Variants in RAD51B observed in about 807,000 individuals in gnomAD.
RAD51B encodes the protein DNA repair protein RAD51 homolog 2.
In RAD51B, 38 loss-of-function variants were observed where a neutral mutation model predicts 42.2. The ratio of observed to expected loss-of-function variants is 0.90; its 90% confidence interval spans 0.70 to 1.18. The LOEUF (loss-of-function observed/expected upper bound fraction) is 1.18. RAD51B is among the 50% of genes most tolerant of loss of function. The pLI, the probability that RAD51B is intolerant of heterozygous loss-of-function variation, is 0.00. For synonymous variants in RAD51B, 154 were observed against 145.2 expected (o/e 1.06, Z -0.43); for missense variants, 373 against 400.7 (o/e 0.93, Z 0.59).
intron 7 of RAD51B, among the ~76,000 whole-genome samples, chr14:68,026,581 A>T: frequency 1.4e-5 from 2 of 147,546 alleles, no homozygotes; most frequent in South Asian, 2.2e-4. Flanking sequence ...GTTGATGTGT[A>T]CCCTTTATCA....
intron 7 of RAD51B, among the ~76,000 whole-genome samples, chr14:68,090,947 C>A (rs1302966448): frequency 6.9e-6 from 1 of 145,938 alleles, no homozygotes; most frequent in East Asian, 2.0e-4. Context: ...TGAGAACATG[C>A]GGTGTTTGGT....
At position 68,506,112 on chromosome 14, in the gene RAD51B, C is replaced by T. The variant is rs1885297917; in HGVS notation, c.1036+37862C>T. 2.0e-5 allele frequency among the ~76,000 whole-genome samples: 3 copies of T among 152,166 alleles called. No individual in the cohort carries two copies. The South Asian group carries it at 6.2e-4, about 31-fold the overall frequency. On this transcript the variant is annotated intron_variant, in intron 10 of 10. Transcript: ENST00000487270. ...AGGCTTTCAGGACACAGTGTGCCCC[C>T]AGGCAGCCTGGGCCTAGAACAGTTG...
chr14:68,065,632 G>T (rs1475668399), intron 7 of RAD51B, among the ~76,000 whole-genome samples: 1 of 152,056 alleles, frequency 6.6e-6, no homozygotes, highest in African/African-American at 2.4e-5. Context: ...GTTCTGCTTG[G>T]ATGCCAGTCC....
intron 8 of RAD51B, among the ~76,000 whole-genome samples, chr14:68,313,165 A>G (rs1452800479): frequency 6.6e-6 from 1 of 152,186 alleles, no homozygotes; most frequent in Non-Finnish European, 1.5e-5. Flanking sequence ...CTGGTGAATT[A>G]TAATATTCTC....
chr14:68,234,562 A>G (rs1190023301), intron 7 of RAD51B, among the ~76,000 whole-genome samples: 1 of 152,214 alleles, frequency 6.6e-6, no homozygotes, highest in Admixed American at 6.5e-5. Context: ...CCTGTAGAGC[A>G]TGTTATTGTA....
chr14:68,448,391 G>C (rs2140179020), intron 9 of RAD51B, among the ~76,000 whole-genome samples: 1 of 152,292 alleles, frequency 6.6e-6, no homozygotes, highest in East Asian at 1.9e-4. Context: ...AAGGAAGCGA[G>C]TGTTTTTTAA....
chr14:68,470,780 G>A (rs1437714453), intron 10 of RAD51B: 17 of 420,324 alleles, frequency 4.0e-5, no homozygotes, highest in Middle Eastern at 6.9e-4. Context: ...AGCATAAAAC[G>A]TTTTTCTTAC....
intron 11 of RAD51B, among the ~76,000 whole-genome samples, chr14:68,655,130 A>AGTGTGTGT (rs3077341): frequency 4.7e-5 from 7 of 150,366 alleles, no homozygotes; most frequent in South Asian, 2.1e-4. Flanking sequence ...GCAAATGGTG[A>AGTGTGTGT]GTGTGTGTGT....
intron 7 of RAD51B, among the ~76,000 whole-genome samples, chr14:68,020,689 G>A (rs1006527365): frequency 3.3e-5 from 5 of 152,134 alleles, no homozygotes; most frequent in East Asian, 1.9e-4. Flanking sequence ...TGTTGGTTGC[G>A]CAAGACTGTG....
In RAD51B at chr14:68,396,321, CA is replaced by C. The variant is rs145440335; in HGVS notation, c.854-15102del. 7.4e-3 allele frequency among the ~76,000 whole-genome samples: 1,135 copies of C among 152,356 alleles called. 14 individuals are homozygous for C. Among genetic ancestry groups the C allele is most frequent in the African/African-American group, 0.026 (1,100 of 41,588 alleles). On this transcript the variant is annotated intron_variant, in intron 8 of 10. Transcript: ENST00000471583. ...CTCTTCCTATCCCACATCCACATTACAGATGAAAACATGGGCTAACGGGTTT... is the reference window on the plus strand; with the variant it reads ...CTCTTCCTATCCCACATCCACATTACGATGAAAACATGGGCTAACGGGTTT...
chr14:68,039,426 CAAAAAAAAAA>C (rs754840073), intron 7 of RAD51B, among the ~76,000 whole-genome samples: 3 of 63,828 alleles, frequency 4.7e-5, no homozygotes, highest in Non-Finnish European at 7.3e-5. Flanking sequence ...GACTTCATTC[CAAAAAAAAAA>C]AAAAAAAAAA....
intron 7 of RAD51B, among the ~76,000 whole-genome samples, chr14:68,268,469 G>T (rs2081037251): frequency 6.6e-6 from 1 of 152,204 alleles, no homozygotes; most frequent in South Asian, 2.1e-4. Context: ...GTGGCTGTTT[G>T]TGGATGACCT....
chr14:68,075,974 G>A (rs992434068), intron 7 of RAD51B, among the ~76,000 whole-genome samples: 6 of 152,212 alleles, frequency 3.9e-5, no homozygotes, highest in Non-Finnish European at 7.3e-5. Context: ...GCTACTGACC[G>A]AATTGTTCAG....
chr14:68,673,574 A>G (rs898601341), intron 11 of RAD51B, among the ~76,000 whole-genome samples: 1 of 151,536 alleles, frequency 6.6e-6, no homozygotes, highest in African/African-American at 2.4e-5. Context: ...GCACACACAT[A>G]CACATACTGT....
At chr14:68,234,000 C>G (rs1371310605) in intron 7 of RAD51B, among the ~76,000 whole-genome samples, 1 of 151,954 alleles carries the variant, frequency 6.6e-6, no homozygotes, top group African/African-American at 2.4e-5. Context: ...GAAGAGAATT[C>G]TGATGATAGT....
intron 7 of RAD51B, among the ~76,000 whole-genome samples, chr14:68,015,455 G>T (rs2075762532): frequency 6.6e-6 from 1 of 152,164 alleles, no homozygotes; most frequent in Admixed American, 6.5e-5. Context: ...AAGGAAAGAG[G>T]TTTAATGGAT....
At chr14:68,255,535 T>C (rs907960018) in intron 7 of RAD51B, among the ~76,000 whole-genome samples, 2 of 152,212 alleles carry the variant, frequency 1.3e-5, no homozygotes, top group Non-Finnish European at 2.9e-5. Context: ...TTTGAGACAA[T>C]GAGGCAATTA....
intron 10 of RAD51B, among the ~76,000 whole-genome samples, chr14:68,585,827 A>G (rs1050811136): frequency 2.0e-4 from 31 of 152,286 alleles, no homozygotes; most frequent in African/African-American, 6.7e-4. Context: ...TAGAGATTTT[A>G]TAAATATTCG....
At chr14:68,133,776 C>T (rs1011063728) in intron 7 of RAD51B, among the ~76,000 whole-genome samples, 13 of 151,908 alleles carry the variant, frequency 8.6e-5, no homozygotes, top group African/African-American at 3.1e-4. Context: ...CTGGCCAAAT[C>T]TGAATGATTT....
Sources: allele counts gnomAD v4.1 joint callset (sites outside exome capture counted in the v4.1 genomes callset), GRCh38; gene constraint gnomAD v4.1.1; transcripts MANE v1.5; gene names NCBI Gene and HGNC (gene_info 2026-07-23, HGNC 2026-07-21).